The following SRRD variants were observed in gnomAD, a reference collection of about 807,000 sequenced individuals.
SRRD encodes SRR1-like protein.
SRRD carries 28 observed loss-of-function variants against 30.7 expected under a neutral mutation model. The observed-to-expected ratio is 0.91, with a 90% CI of 0.68 to 1.25. SRRD has a LOEUF of 1.25. Among genes scored for constraint, SRRD ranks in the 50% most tolerant of loss-of-function variants. SRRD has a pLI of 0.00. For synonymous variants in SRRD, 161 were observed against 159.6 expected (o/e 1.01, Z -0.07); for missense variants, 415 against 417.3 (o/e 0.99, Z 0.05).
intron 2 of SRRD, among the ~76,000 whole-genome samples, chr22:26,486,381 T>C (rs989941900): frequency 2.0e-5 from 3 of 152,236 alleles, no homozygotes; most frequent in Non-Finnish European, 2.9e-5. Context: ...GATATTACAA[T>C]GTAGCCTTTT....
Position 26,491,071 on chromosome 22 carries a change from G to C in SRRD, c.810+1G>C, listed in dbSNP as rs372601333. 5.6e-6 allele frequency: 9 copies of C among 1,611,878 alleles called. No homozygotes were observed. In the Admixed American group the frequency reaches 1.3e-4, roughly 24 times the overall value. On this transcript the variant is annotated splice_donor_variant, in intron 6 of 6. Coordinates refer to ENST00000215917, the MANE Select transcript of SRRD (RefSeq NM_001013694.3). LOFTEE classifies it high-confidence loss of function. Reference sequence around the variant, plus strand: ...GAAAAATTATCCCTACATTGCAAAGGTATCTATCTGAATAAAGGGGCTGGG... The same window carrying C: ...GAAAAATTATCCCTACATTGCAAAGCTATCTATCTGAATAAAGGGGCTGGG...
chr22:26,494,018 A>G lies in SRRD; in HGVS notation c.*2346A>G, dbSNP rs999033755. ...AGGGTGAGAGTCTGTTGCTATGTGC[A>G]AAAGTGTGACCTAAGGTTTAGGCTG... is the stretch of plus-strand genomic sequence containing the variant. On this transcript the variant is annotated 3_prime_UTR_variant, in exon 7 of 7. Transcript: ENST00000215917. 1.7e-6 allele frequency: 2 copies of G among 1,161,948 alleles called. No individual in the cohort carries two copies. Among genetic ancestry groups the G allele is most frequent in the Non-Finnish European group, 2.4e-6 (2 of 819,940 alleles). 72.0% of individuals were successfully genotyped at this position (1,161,948 alleles called of 1,614,324 possible).
Position 26,494,211 on chromosome 22 carries a change from C to T in SRRD, c.*2539C>T, listed in dbSNP as rs1363504775. The T allele has an allele frequency of 1.2e-6, 2 of 1,614,192 alleles. No individual in the cohort carries two copies. Among genetic ancestry groups the T allele is most frequent in the Non-Finnish European group, 1.7e-6 (2 of 1,180,026 alleles). ...AATTTGTCCTTGACAGATGGATGTG[C>T]CAGCACTTGGTCTGAGAACATCGAC... is the stretch of plus-strand genomic sequence containing the variant. On this transcript the variant is annotated 3_prime_UTR_variant, in exon 7 of 7. Coordinates refer to ENST00000215917, the MANE Select transcript of SRRD (RefSeq NM_001013694.3).
chr22:26,491,458 C>T lies in SRRD; in HGVS notation c.811-5C>T. ...AAGTTTTTATACTTGAATTTTTCTG[C>T]TCAGATTTTAAAAGGACTGGAGGAG... On this transcript the variant is annotated splice_polypyrimidine_tract_variant and splice_region_variant and intron_variant, in intron 6 of 6. Transcript: ENST00000215917. 1 of 1,606,864 alleles carries T rather than the reference C, an allele frequency of 6.2e-7. No individual in the cohort carries two copies. Among genetic ancestry groups the T allele is most frequent in the Non-Finnish European group, 8.5e-7 (1 of 1,176,946 alleles).
intron 6 of SRRD, 138 bp from the exon 7 acceptor site, chr22:26,491,321 AAAAG>A: frequency 1.3e-6 from 1 of 775,670 alleles, no homozygotes; most frequent in Non-Finnish European, 2.1e-6. Flanking sequence ...TTCATTGTGC[AAAAG>A]CATTTAAATC....
rs775852077 is a variant in SRRD at position 26,486,113 on chromosome 22, CAG to C, written c.250+51_250+52del. On this transcript the variant is annotated intron_variant, in intron 2 of 6. Coordinates refer to ENST00000215917, the MANE Select transcript of SRRD (RefSeq NM_001013694.3). ...GGGATTGTGGGGCAGAAAAGAGAAT[CAG>C]TCCTCATTTGAGGACATTTTGCTTC... 6 of 1,612,386 alleles carry C rather than the reference CAG, an allele frequency of 3.7e-6. No individual in the cohort carries two copies. The South Asian group carries it at 6.6e-5, about 18-fold the overall frequency.
At chr22:26,487,956 T>C (rs1275613008) in intron 2 of SRRD, 73 bp from the exon 3 acceptor site, 19 of 1,497,922 alleles carry the variant, frequency 1.3e-5, no homozygotes, top group Non-Finnish European at 1.5e-5. Context: ...ATATGTGAAC[T>C]TCTTTTGTGG....
At chr22:26,489,489 A>G (rs1463686898) in intron 4 of SRRD, among the ~76,000 whole-genome samples, 1 of 151,964 alleles carries the variant, frequency 6.6e-6, no homozygotes, top group African/African-American at 2.4e-5. Context: ...TCAGGAAACC[A>G]CTGCCAGTTT....
At position 26,488,099 on chromosome 22, in the gene SRRD, C is replaced by T. The variant is rs61740572; in HGVS notation, c.321C>T (p.Ile107=). The T allele has an allele frequency of 2.4e-5, 38 of 1,614,092 alleles. No homozygotes were observed. Among genetic ancestry groups the T allele is most frequent in the Non-Finnish European group, 3.1e-5 (37 of 1,180,038 alleles). Residue 107 remains isoleucine, a synonymous_variant, in exon 3 of 7, where the codon ATC becomes ATT. Coordinates refer to ENST00000215917, the MANE Select transcript of SRRD (RefSeq NM_001013694.3). ...CCCCTGTGGGGACTCTTTCAGACATCTTTGGAAACCTGCATCTTGACTCAT... is the reference window on the plus strand; with the variant it reads ...CCCCTGTGGGGACTCTTTCAGACATTTTTGGAAACCTGCATCTTGACTCAT... ...LKAPVGTLSD[I]FGNLHLDSLP... is the part of the protein sequence containing the mutation.
At position 26,488,277 on chromosome 22, in the gene SRRD, G is replaced by T. The variant is rs1303081959; in HGVS notation, c.499G>T (p.Glu167Ter). 1 of 1,613,856 alleles carries T rather than the reference G, an allele frequency of 6.2e-7. No individual in the cohort carries two copies. Among genetic ancestry groups the T allele is most frequent in the Admixed American group, 1.7e-5 (1 of 60,008 alleles). ...NQLTFLLLLL[E>*]KCQIPRSHCW... The stretch of plus-strand genomic sequence containing the variant: ...GCTAACGTTTTTGCTGCTTTTGTTG[G>T]AAAAGTGCCAGGTACATTTTTGGAT... Residue 167 changes from glutamate to a stop codon, truncating the protein, a stop_gained, in exon 3 of 7, where the codon GAA becomes TAA. Transcript: ENST00000215917. LOFTEE classifies it high-confidence loss of function.
intron 4 of SRRD, among the ~76,000 whole-genome samples, chr22:26,489,079 G>C (rs562658639): frequency 6.6e-6 from 1 of 152,132 alleles, no homozygotes; most frequent in Non-Finnish European, 1.5e-5. Flanking sequence ...ATTGTCTTGG[G>C]GATTAGAATC....
intron 4 of SRRD, among the ~76,000 whole-genome samples, chr22:26,489,032 A>G (rs1454816564): frequency 1.3e-5 from 2 of 152,236 alleles, no homozygotes. Flanking sequence ...ACAGGGCCAA[A>G]GCCAGTATGA....
At chr22:26,491,110 T>C (rs750067402) in intron 6 of SRRD, 40 bp downstream of exon 6, 7 of 1,583,058 alleles carry the variant, frequency 4.4e-6, no homozygotes, top group Non-Finnish European at 6.0e-6. Flanking sequence ...GAAAAGGGTG[T>C]GAAACTGTGA....
At position 26,493,049 on chromosome 22, in the gene SRRD, C is replaced by T. The variant is rs1179495083; in HGVS notation, c.*1377C>T. 1 of 150,754 alleles carries T rather than the reference C, an allele frequency of 6.6e-6. No individual in the cohort carries two copies. The highest frequency in any genetic ancestry group is 6.6e-5 in the Admixed American group (1 of 15,166). 9.3% of individuals were successfully genotyped at this position (150,754 alleles called of 1,614,324 possible). A position where few individuals can be genotyped will look rare whatever the true frequency, so the allele number is the denominator to read the frequency against. ...ATTTTTCTTTTTTTTTTTTTGAGAC[C>T]GAGTCTCGCTCTTGTCACCTAGGCT... On this transcript the variant is annotated 3_prime_UTR_variant, in exon 7 of 7. Coordinates refer to ENST00000215917, the MANE Select transcript of SRRD (RefSeq NM_001013694.3).
In SRRD at chr22:26,492,372, A is replaced by G. The variant is rs1921324446; in HGVS notation, c.*700A>G. ...GCTCCTGGCTGCATGTAGGCACCTA[A>G]GATACAGGAGGACAGGGCGGTGAGG... On this transcript the variant is annotated 3_prime_UTR_variant, in exon 7 of 7. Transcript: ENST00000215917. The G allele has an allele frequency of 6.2e-7, 1 of 1,613,766 alleles. No individual in the cohort carries two copies. Among genetic ancestry groups the G allele is most frequent in the Admixed American group, 1.7e-5 (1 of 60,010 alleles).
At chr22:26,491,334 TCAAAATACCC>T in intron 6 of SRRD, 119 bp from the exon 7 acceptor site, 3 of 824,828 alleles carry the variant, frequency 3.6e-6, no homozygotes, top group South Asian at 1.8e-5. Flanking sequence ...AGCATTTAAA[TCAAAATACCC>T]TATTTGTTAT....
intron 4 of SRRD, 145 bp downstream of exon 4, chr22:26,488,633 T>C: frequency 1.5e-6 from 1 of 656,884 alleles, no homozygotes; most frequent in East Asian, 2.7e-5. Flanking sequence ...CTGAACGATG[T>C]AACCAGCCAA....
intron 1 of SRRD, among the ~76,000 whole-genome samples, chr22:26,484,397 G>A (rs917151029): frequency 3.9e-5 from 6 of 152,182 alleles, no homozygotes; most frequent in African/African-American, 1.4e-4. Flanking sequence ...TTGTTTTGAG[G>A]ATTCAATGAA....
At chr22:26,486,409 C>T (rs1332850438) in intron 2 of SRRD, among the ~76,000 whole-genome samples, 1 of 152,206 alleles carries the variant, frequency 6.6e-6, no homozygotes, top group Non-Finnish European at 1.5e-5. Context: ...CAGTGATAAT[C>T]TCTTCCTAAA....
Sources: allele counts gnomAD v4.1 joint callset (sites outside exome capture counted in the v4.1 genomes callset), GRCh38; gene constraint gnomAD v4.1.1; transcripts MANE v1.5; gene names NCBI Gene and HGNC (gene_info 2026-07-23, HGNC 2026-07-21).